LOC102723971: variants seen among roughly 807,000 people sequenced by gnomAD.
the LOC102723971 span, chr9:135,616,521 C>T: frequency 2.5e-6 from 1 of 398,188 alleles, no homozygotes; most frequent in African/African-American, 2.1e-5. Flanking sequence ...GCCACCACGT[C>T]CTGGGAAAGG....
At chr9:135,619,893 C>T in the LOC102723971 span, among the ~76,000 whole-genome samples, 2 of 113,082 alleles carry the variant, frequency 1.8e-5, no homozygotes, top group Admixed American at 8.5e-5. Context: ...CAATCTCCCC[C>T]GTCTCCCCCT....
At chr9:135,617,737 C>T in the LOC102723971 span, among the ~76,000 whole-genome samples, 23 of 152,094 alleles carry the variant, frequency 1.5e-4, no homozygotes, top group South Asian at 8.3e-4. Context: ...AGGTTGGGGC[C>T]GGTGCAATCA....
chr9:135,616,345 C>T, the LOC102723971 span, among the ~76,000 whole-genome samples: 1 of 152,188 alleles, frequency 6.6e-6, no homozygotes, highest in Non-Finnish European at 1.5e-5. Context: ...CACTCCAGTC[C>T]CATCCCCAGC....
the LOC102723971 span, among the ~76,000 whole-genome samples, chr9:135,616,177 G>A: frequency 6.6e-6 from 1 of 152,094 alleles, no homozygotes; most frequent in African/African-American, 2.4e-5. Flanking sequence ...GGGGGCGAGG[G>A]GCCTCTGTCT....
chr9:135,616,613 A>C, the LOC102723971 span: 88,487 of 398,420 alleles, frequency 0.22, 10,440 homozygotes, highest in African/African-American at 0.26. Context: ...AAAGAAACAA[A>C]CATCACCGTC....
the LOC102723971 span, among the ~76,000 whole-genome samples, chr9:135,616,282 T>C: frequency 6.6e-6 from 1 of 152,140 alleles, no homozygotes; most frequent in South Asian, 2.1e-4. Flanking sequence ...CTGGGACCCA[T>C]CTGTTCCAGG....
the LOC102723971 span, chr9:135,614,368 A>G: frequency 2.5e-6 from 1 of 395,748 alleles, no homozygotes; most frequent in Non-Finnish European, 4.5e-6. Flanking sequence ...TCATGGGTCC[A>G]GTCCCCAGAC....
the LOC102723971 span, among the ~76,000 whole-genome samples, chr9:135,615,091 G>A: frequency 6.6e-6 from 1 of 152,190 alleles, no homozygotes; most frequent in Non-Finnish European, 1.5e-5. Flanking sequence ...GTTTGCCAGT[G>A]CAGCCCCCTG....
the LOC102723971 span, among the ~76,000 whole-genome samples, chr9:135,615,099 C>G: frequency 6.6e-6 from 1 of 152,198 alleles, no homozygotes; most frequent in African/African-American, 2.4e-5. Context: ...GTGCAGCCCC[C>G]TGGGAGGGGC....
At chr9:135,614,846 C>T in the LOC102723971 span, among the ~76,000 whole-genome samples, 2 of 152,054 alleles carry the variant, frequency 1.3e-5, no homozygotes, top group East Asian at 1.9e-4. Flanking sequence ...GAGGGACACC[C>T]GGCACAGCAC....
the LOC102723971 span, among the ~76,000 whole-genome samples, chr9:135,616,143 G>C: frequency 6.6e-6 from 1 of 152,178 alleles, no homozygotes; most frequent in African/African-American, 2.4e-5. Flanking sequence ...GGGGGGCTCT[G>C]TCTATGCACG....
chr9:135,618,169 C>A, the LOC102723971 span: 2 of 395,634 alleles, frequency 5.1e-6, no homozygotes, highest in Non-Finnish European at 8.9e-6. Context: ...TACGGCCAGG[C>A]CTGTGCCGGC....
the LOC102723971 span, chr9:135,616,928 C>T: frequency 1.8e-5 from 7 of 398,452 alleles, no homozygotes; most frequent in Admixed American, 8.8e-5. Context: ...GCAGCATGCA[C>T]GTATGCTTCG....
At chr9:135,619,539 A>G in the LOC102723971 span, among the ~76,000 whole-genome samples, 2 of 152,088 alleles carry the variant, frequency 1.3e-5, no homozygotes, top group Non-Finnish European at 2.9e-5. Context: ...GAGCAAACGC[A>G]TATGTCCCCA....
chr9:135,619,777 C>CA, the LOC102723971 span, among the ~76,000 whole-genome samples: 1 of 152,028 alleles, frequency 6.6e-6, no homozygotes, highest in African/African-American at 2.4e-5. Context: ...GTCAGGGACT[C>CA]AATACTTGTC....
At chr9:135,614,874 C>A in the LOC102723971 span, among the ~76,000 whole-genome samples, 1 of 152,114 alleles carries the variant, frequency 6.6e-6, no homozygotes, top group Non-Finnish European at 1.5e-5. Flanking sequence ...TCCCCTCTGC[C>A]CTCCCTGACC....
the LOC102723971 span, among the ~76,000 whole-genome samples, chr9:135,615,869 T>A: frequency 6.6e-6 from 1 of 152,198 alleles, no homozygotes; most frequent in Non-Finnish European, 1.5e-5. Context: ...CCGGCCCCGA[T>A]GTAAGCCAGG....
the LOC102723971 span, among the ~76,000 whole-genome samples, chr9:135,616,031 G>T: frequency 6.6e-6 from 1 of 152,226 alleles, no homozygotes; most frequent in Non-Finnish European, 1.5e-5. Flanking sequence ...CAGACGCTCA[G>T]TCGTAGACAC....
At chr9:135,617,129 G>T in the LOC102723971 span, 1 of 396,396 alleles carries the variant, frequency 2.5e-6, no homozygotes, top group Non-Finnish European at 4.4e-6. Flanking sequence ...GTCCTGTCTG[G>T]GAGGGGGCCT....
Sources: allele counts gnomAD v4.1 joint callset (sites outside exome capture counted in the v4.1 genomes callset), GRCh38; gene constraint gnomAD v4.1.1; transcripts MANE v1.5.